C16orf46: variants seen among roughly 807,000 people sequenced by gnomAD.
C16orf46 encodes the protein uncharacterized protein C16orf46.
A neutral mutation model predicts 5.5 loss-of-function variants in C16orf46; 7 were observed. That is an observed-to-expected ratio of 1.28 (90% CI 0.73 to 2.40). C16orf46 has a LOEUF of 2.40. Among genes scored for constraint, C16orf46 ranks in the 30% most tolerant of loss-of-function variants. The pLI is 0.00. For synonymous variants in C16orf46, 200 were observed against 184.1 expected (o/e 1.09, Z -0.70); for missense variants, 614 against 476.0 (o/e 1.29, Z -2.70).
chr16:81,057,644 C>CTT (rs1257744889), downstream of C16orf46, among the ~76,000 whole-genome samples: 6 of 148,958 alleles, frequency 4.0e-5, no homozygotes, highest in African/African-American at 1.5e-4. Context: ...CCATCATCAT[C>CTT]TTTTGAAACG....
downstream of C16orf46, chr16:81,060,874 G>C (rs908142126): frequency 6.8e-6 from 5 of 731,606 alleles, no homozygotes; most frequent in Non-Finnish European, 9.0e-6. Context: ...GAAGCAGGCA[G>C]AGGCTGGGGC....
intron 2 of C16orf46, among the ~76,000 whole-genome samples, chr16:81,064,194 G>A (rs1971578242): frequency 6.6e-6 from 1 of 152,004 alleles, no homozygotes; most frequent in African/African-American, 2.4e-5. Flanking sequence ...GACCAGTCTG[G>A]CCAACATGGT....
At position 81,061,159 on chromosome 16, in the gene C16orf46, G is replaced by A. The variant is rs140333837; in HGVS notation, c.*2C>T. The A allele has an allele frequency of 1.1e-3, 1,713 of 1,598,682 alleles. 1 individual carries two copies. Among genetic ancestry groups the A allele is most frequent in the Middle Eastern group, 2.2e-3 (13 of 5,962 alleles). On this transcript the variant is annotated 3_prime_UTR_variant, in exon 4 of 4. Coordinates refer to ENST00000299578, the MANE Select transcript of C16orf46 (RefSeq NM_152337.3). ...TATTCCCAGGGGTTCTACCGCAACC[G>A]CTCAGAGGATCCTGTGGGTAGAGAC...
rs372482557 is a variant in C16orf46 at position 81,062,171 on chromosome 16, T to G, written c.211-33A>C. ...TAAAGCGGCATGTTACTCCTCCAGC[T>G]GAGGGGCCCAAACTGTCCTTGCCCC... On this transcript the variant is annotated intron_variant, in intron 3 of 3. Coordinates refer to ENST00000299578, the MANE Select transcript of C16orf46 (RefSeq NM_152337.3). The G allele has an allele frequency of 3.3e-5, 50 of 1,522,602 alleles. No individual in the cohort carries two copies. The African/African-American group carries it at 6.7e-4, about 20-fold the overall frequency. The allele number at this position is 1,522,602 out of a possible 1,614,324, so 94.3% of individuals were successfully genotyped here.
At position 81,068,417 on chromosome 16, in the gene C16orf46, T is replaced by A. The variant is rs142054456; in HGVS notation, c.-127-2136A>T. On this transcript the variant is annotated intron_variant, in intron 1 of 3. Coordinates refer to ENST00000299578, the MANE Select transcript of C16orf46 (RefSeq NM_152337.3). ...TCTCCTATTTACAAATAAGTAACAC[T>A]GCCCAAAGAAAAACCTATGTGGAAA... is the stretch of plus-strand genomic sequence containing the variant. 1.8e-3 allele frequency among the ~76,000 whole-genome samples: 276 copies of A among 152,254 alleles called. 1 individual carries two copies. The highest frequency in any genetic ancestry group is 6.5e-3 in the African/African-American group (270 of 41,548).
chr16:81,053,675 G>C (rs140249538), exon 4 of C16orf46: 90 of 165,230 alleles, frequency 5.4e-4, no homozygotes, highest in African/African-American at 2.1e-3. Context: ...ACATTAGGCT[G>C]CAAAAAAGAA....
chr16:81,067,647 G>GGTTCAAGCGATTCTCCTGC (rs1285814672), intron 1 of C16orf46, among the ~76,000 whole-genome samples: 16 of 152,164 alleles, frequency 1.1e-4, no homozygotes, highest in African/African-American at 3.9e-4. Context: ...CCGCCTCCTG[G>GGTTCAAGCGATTCTCCTGC]GTTCAAGCGA....
chr16:81,066,041 G>A lies in C16orf46; in HGVS notation c.-39+152C>T, dbSNP rs974835225. 5.3e-5 allele frequency among the ~76,000 whole-genome samples: 8 copies of A among 150,912 alleles called. No individual in the cohort carries two copies. In the South Asian group the frequency reaches 6.3e-4, roughly 12 times the overall value. On this transcript the variant is annotated intron_variant, in intron 2 of 3. Coordinates refer to ENST00000299578, the MANE Select transcript of C16orf46 (RefSeq NM_152337.3). ...GCTGGGATTACGGGCGTGAGTCACC[G>A]TGCCTGGCCAACACTACATTTTTAT...
downstream of C16orf46, among the ~76,000 whole-genome samples, chr16:81,059,774 T>A (rs1161299256): frequency 6.6e-6 from 1 of 151,864 alleles, no homozygotes; most frequent in East Asian, 1.9e-4. Flanking sequence ...GTGATCTTTT[T>A]ATTTTTTTCC....
rs140263795 is a variant in C16orf46, at chr16:81,068,077, C to T, written c.-127-1796G>A. 2.8e-3 allele frequency among the ~76,000 whole-genome samples: 434 copies of T among 152,312 alleles called. 3 individuals carry two copies. The highest frequency in any genetic ancestry group is 0.01 in the African/African-American group (417 of 41,578). ...AGGTGTAAATGCAGAAAAGAATAGA[C>T]ATTACTATTTGGATCTGTGACACTA... On this transcript the variant is annotated intron_variant, in intron 1 of 3. Coordinates refer to ENST00000299578, the MANE Select transcript of C16orf46 (RefSeq NM_152337.3).
chr16:81,063,838 G>A lies in C16orf46; in HGVS notation c.118C>T (p.His40Tyr), dbSNP rs767306773. The part of the protein sequence containing the change: ...TCPDGKSEKN[H>Y]VYCLLDVSDI... ...CTGACATCGAGAAGACAATAAACATGATTTTTTTCACTTTTTCCATCTGGA... is the reference window on the plus strand; with the variant it reads ...CTGACATCGAGAAGACAATAAACATAATTTTTTTCACTTTTTCCATCTGGA... The change falls in exon 3 of 4, where the codon CAT becomes TAT. Residue 40 changes from histidine to tyrosine, a missense_variant. His to Tyr is a moderately conservative substitution (Grantham distance 83, BLOSUM62 2). Coordinates refer to ENST00000299578, the MANE Select transcript of C16orf46 (RefSeq NM_152337.3). The A allele has an allele frequency of 6.2e-7, 1 of 1,613,854 alleles. No homozygotes were observed.
intron 1 of C16orf46, among the ~76,000 whole-genome samples, chr16:81,075,976 C>A (rs1170867033): frequency 2.6e-5 from 4 of 152,164 alleles, no homozygotes; most frequent in East Asian, 1.9e-4. Context: ...TGCCACACAC[C>A]CTCATCTTCC....
intron 1 of C16orf46, among the ~76,000 whole-genome samples, chr16:81,072,829 G>A (rs1321645524): frequency 6.6e-6 from 1 of 152,060 alleles, no homozygotes; most frequent in African/African-American, 2.4e-5. Context: ...AGTCTCCTGA[G>A]TAGCTGGGAT....
downstream of C16orf46, among the ~76,000 whole-genome samples, chr16:81,057,017 T>C (rs1004093916): frequency 6.6e-6 from 1 of 152,106 alleles, no homozygotes; most frequent in Non-Finnish European, 1.5e-5. Context: ...GGATACATTT[T>C]TCGTTGTCAT....
chr16:81,062,877 T>C (rs746803254), intron 3 of C16orf46, among the ~76,000 whole-genome samples: 6 of 49,736 alleles, frequency 1.2e-4, no homozygotes, highest in African/African-American at 1.7e-4. Context: ...CATAGTTTTA[T>C]GCTTTTTTTT....
Position 81,061,991 on chromosome 16 carries a change from C to T in C16orf46, c.358G>A (p.Glu120Lys). Residue 120 changes from glutamate to lysine, a missense_variant, in exon 4 of 4, where the codon GAG becomes AAG. By Grantham distance (56) the Glu-to-Lys change is moderately conservative (BLOSUM62 1). Transcript: ENST00000299578. ...CTCTGATCCTTCTCTGGGCCCCCCT[C>T]AGTAGGAGGCTTGGTCTGGAGGCTC... The part of the protein sequence containing the change: ...HWSLQTKPPT[E>K]GGPEKDQSSP... The T allele has an allele frequency of 6.2e-7, 1 of 1,614,130 alleles. No homozygotes were observed. Among genetic ancestry groups the T allele is most frequent in the Non-Finnish European group, 8.5e-7 (1 of 1,180,036 alleles).
chr16:81,062,400 T>C (rs1319564644), intron 3 of C16orf46, among the ~76,000 whole-genome samples: 1 of 152,224 alleles, frequency 6.6e-6, no homozygotes, highest in Non-Finnish European at 1.5e-5. Flanking sequence ...GTAATAGTAT[T>C]TGTTAATCCT....
chr16:81,053,564 C>T (rs544716583), exon 4 of C16orf46: 1 of 152,388 alleles, frequency 6.6e-6, no homozygotes, highest in African/African-American at 2.4e-5. Context: ...GTTCTAACTC[C>T]ACGCATTCCA....
chr16:81,061,521 G>A lies in C16orf46; in HGVS notation c.828C>T (p.Asn276=), dbSNP rs537023465. 102 of 1,614,174 alleles carry A rather than the reference G, an allele frequency of 6.3e-5. 1 individual carries two copies. In the Middle Eastern group the frequency reaches 9.9e-4, roughly 16 times the overall value. The change falls in exon 4 of 4, where the codon AAC becomes AAT. Residue 276 remains asparagine (N), a synonymous_variant. Transcript: ENST00000299578. Reference sequence around the variant, plus strand: ...CTGGGGAAGGGGAGGATGGCGTGTCGTTGACCATAGGGTGTTTGGCCAGCT... The same window carrying A: ...CTGGGGAAGGGGAGGATGGCGTGTCATTGACCATAGGGTGTTTGGCCAGCT... The part of the protein sequence containing the change: ...ASELAKHPMV[N]DTPSSPSPAA...
Sources: gnomAD v4.1 joint callset for allele counts (sites outside exome capture counted in the v4.1 genomes callset) on GRCh38, gnomAD v4.1.1 for gene constraint, MANE v1.5 for transcripts, NCBI Gene and HGNC (gene_info 2026-07-23, HGNC 2026-07-21) for gene names.